GAN: variants seen among roughly 807,000 people sequenced by gnomAD.
GAN encodes epididymis secretory sperm binding protein.
A neutral mutation model predicts 71.3 loss-of-function variants in GAN; 48 were observed. The observed-to-expected ratio is 0.67, with a 90% CI of 0.53 to 0.86. GAN has a LOEUF of 0.86. GAN is among the 40% of genes least tolerant of loss of function. The probability of loss-of-function intolerance (pLI) is 0.00; values close to 1 mark genes in which losing one functional copy is unlikely to be tolerated. For missense variants in GAN, 928 were observed against 770.1 expected (o/e 1.21, Z -2.43); for synonymous variants, 386 against 276.8 (o/e 1.39, Z -3.92).
intron 6 of GAN, among the ~76,000 whole-genome samples, chr16:81,363,091 T>C (rs1910732708): frequency 6.6e-6 from 1 of 152,250 alleles, no homozygotes; most frequent in Admixed American, 6.5e-5. Flanking sequence ...TACATAAATA[T>C]TCATTGACAA....
At chr16:81,320,192 TAAG>T (rs1352541960) in intron 1 of GAN, among the ~76,000 whole-genome samples, 1 of 152,312 alleles carries the variant, frequency 6.6e-6, no homozygotes, top group African/African-American at 2.4e-5. Context: ...TGAAACTACT[TAAG>T]GAGACTAATA....
At chr16:81,375,019 A>G (rs757457467) in intron 9 of GAN, among the ~76,000 whole-genome samples, 1 of 152,190 alleles carries the variant, frequency 6.6e-6, no homozygotes, top group African/African-American at 2.4e-5. Flanking sequence ...TCCAGAAGAG[A>G]GCATAGGAGA....
intron 1 of GAN, among the ~76,000 whole-genome samples, chr16:81,319,709 AC>A (rs1240743341): frequency 6.7e-6 from 1 of 150,220 alleles, no homozygotes; most frequent in South Asian, 2.2e-4. Context: ...CTTCCCCCCG[AC>A]CCCCCCTTAT....
Position 81,389,272 on chromosome 16 carries a change from T to C in GAN, c.*11676T>C, listed in dbSNP as rs1186620159. On this transcript the variant is annotated 3_prime_UTR_variant, in exon 11 of 11. Transcript: ENST00000648994. ...TTCTTTTCGTTTTGAATTCAGCTTG[T>C]GTTTGGTTCCTCGGTCTTGTACCCC... 2 of 152,228 alleles carry C rather than the reference T, an allele frequency of 1.3e-5. No homozygotes were observed. Among genetic ancestry groups the C allele is most frequent in the Admixed American group, 1.3e-4 (2 of 15,290 alleles). The allele number at this position is 152,228 out of a possible 1,614,324, so 9.4% of individuals were successfully genotyped here.
chr16:81,330,869 T>C (rs539969523), intron 1 of GAN, among the ~76,000 whole-genome samples: 18 of 152,282 alleles, frequency 1.2e-4, no homozygotes, highest in African/African-American at 4.3e-4. Flanking sequence ...ATACGATATT[T>C]CCGTAGTGTA....
chr16:81,356,905 C>G lies in GAN; in HGVS notation c.754C>G (p.Pro252Ala). ...AATTGTCAAAGAGTGTAGCAATATA[C>G]CGCTCAGCCAGCCGCAGCAAGGGGA... Reference protein sequence around the residue: ...REIVKECSNIPLSQPQQGEAM... With the variant: ...REIVKECSNIALSQPQQGEAM... Residue 252 changes from proline to alanine, a missense_variant, in exon 4 of 11, where the codon CCG becomes GCG. By Grantham distance (27) the Pro-to-Ala change is conservative. Coordinates refer to ENST00000648994, the MANE Select transcript of GAN (RefSeq NM_022041.4). 1 of 1,613,742 alleles carries G rather than the reference C, an allele frequency of 6.2e-7. No individual in the cohort carries two copies. Among genetic ancestry groups the G allele is most frequent in the Non-Finnish European group, 8.5e-7 (1 of 1,179,702 alleles).
At chr16:81,352,550 A>T (rs1159587386) in intron 2 of GAN, among the ~76,000 whole-genome samples, 3 of 151,916 alleles carry the variant, frequency 2.0e-5, no homozygotes, top group African/African-American at 4.8e-5. Context: ...TCTCTCCTTT[A>T]TTCTTTCTTT....
At chr16:81,321,684 G>A (rs972172670) in intron 1 of GAN, among the ~76,000 whole-genome samples, 1 of 152,174 alleles carries the variant, frequency 6.6e-6, no homozygotes, top group Non-Finnish European at 1.5e-5. Flanking sequence ...GTCTGTGAGT[G>A]CCATGCAATA....
rs1491209902 is a variant in GAN at position 81,376,463 on chromosome 16, A to ATG, written c.1503-755_1503-754insGT. On this transcript the variant is annotated intron_variant, in intron 9 of 10. Transcript: ENST00000648994. ...GGCAATATCCCATCTTTATACATAC[A>ATG]TATGTGTGTGTGTGTGTGTGTGTGT... is the stretch of plus-strand genomic sequence containing the variant. Among the ~76,000 whole-genome samples the ATG allele has an allele frequency of 1.9e-3, 173 of 90,104 alleles. 1 individual carries two copies. Among genetic ancestry groups the ATG allele is most frequent in the Non-Finnish European group, 2.5e-3 (104 of 41,118 alleles). The allele number at this position is 90,104 out of a possible 152,430, so 59.1% of individuals were successfully genotyped here. A position where few individuals can be genotyped will look rare whatever the true frequency, so the allele number is the denominator to read the frequency against.
Position 81,384,142 on chromosome 16 carries a change from ACT to A in GAN, c.*6549_*6550del, listed in dbSNP as rs1244293508. ...GTTGTTCTTTGTGTTTATAGGAAAAACTCTGTTCTCAGCTACCTCATTATGTA... is the reference window on the plus strand; with the variant it reads ...GTTGTTCTTTGTGTTTATAGGAAAAACTGTTCTCAGCTACCTCATTATGTA... On this transcript the variant is annotated 3_prime_UTR_variant, in exon 11 of 11. Coordinates refer to ENST00000648994, the MANE Select transcript of GAN (RefSeq NM_022041.4). 6.6e-6 allele frequency: 1 copy of A among 151,460 alleles called. No individual in the cohort carries two copies. The highest frequency in any genetic ancestry group is 1.5e-5 in the Non-Finnish European group (1 of 67,890). 9.4% of individuals were successfully genotyped at this position (151,460 alleles called of 1,614,324 possible).
At chr16:81,351,347 C>G (rs1421241962) in intron 1 of GAN, among the ~76,000 whole-genome samples, 1 of 152,064 alleles carries the variant, frequency 6.6e-6, no homozygotes, top group African/African-American at 2.4e-5. Flanking sequence ...GATCTTAGTT[C>G]TTTGGTCATC....
At chr16:81,335,004 G>A (rs1909708189) in intron 1 of GAN, among the ~76,000 whole-genome samples, 1 of 152,110 alleles carries the variant, frequency 6.6e-6, no homozygotes, top group African/African-American at 2.4e-5. Flanking sequence ...TTATTAGATG[G>A]TGATAAATTC....
chr16:81,352,023 C>G (rs1351009846), intron 2 of GAN, among the ~76,000 whole-genome samples: 1 of 152,132 alleles, frequency 6.6e-6, no homozygotes, highest in East Asian at 1.9e-4. Flanking sequence ...TTTGGAATCC[C>G]GATTCCAGTC....
rs372022466 is a variant in GAN, at chr16:81,354,470, C to G, written c.348C>G (p.Asp116Glu). ...VQAADLLLLTDLKTLCCEFLE... is the reference protein window; with the variant it reads ...VQAADLLLLTELKTLCCEFLE... ...CAGCTGACCTGCTGCTACTGACGGA[C>G]CTTAAAACCCTGTGCTGTGAGTTTT... The change falls in exon 3 of 11, where the codon GAC becomes GAG. Residue 116 changes from aspartate to glutamate, a missense_variant. Transcript: ENST00000648994. 17 of 1,613,894 alleles carry G rather than the reference C, an allele frequency of 1.1e-5. No homozygotes were observed. In the African/African-American group the frequency reaches 2.1e-4, roughly 20 times the overall value.
chr16:81,345,515 A>C (rs1403968121), intron 1 of GAN, among the ~76,000 whole-genome samples: 1 of 152,102 alleles, frequency 6.6e-6, no homozygotes, highest in Non-Finnish European at 1.5e-5. Context: ...CAAACAATGC[A>C]TGTTCTCACT....
chr16:81,364,952 C>T (rs776066655), intron 7 of GAN, 22 bp from the exon 8 acceptor site: 7 of 1,613,228 alleles, frequency 4.3e-6, no homozygotes, highest in South Asian at 1.1e-5. Context: ...GCCTCTCCCC[C>T]ACCATTGTTC....
intron 1 of GAN, among the ~76,000 whole-genome samples, chr16:81,330,636 G>T (rs911561587): frequency 6.6e-6 from 1 of 152,216 alleles, no homozygotes; most frequent in African/African-American, 2.4e-5. Context: ...CATCATTGAA[G>T]TACCACAGTT....
intron 9 of GAN, among the ~76,000 whole-genome samples, chr16:81,376,369 C>T (rs1471614617): frequency 1.3e-5 from 2 of 151,892 alleles, no homozygotes; most frequent in African/African-American, 2.4e-5. Flanking sequence ...GCCTGTTATA[C>T]AGCATTTTAG....
intron 9 of GAN, among the ~76,000 whole-genome samples, chr16:81,372,589 G>A (rs62046503): frequency 8.5e-5 from 13 of 152,124 alleles, no homozygotes; most frequent in Admixed American, 4.6e-4. Context: ...TCACCTACGC[G>A]TATTTTTCTG....
Sources: allele counts gnomAD v4.1 joint callset (sites outside exome capture counted in the v4.1 genomes callset), GRCh38; gene constraint gnomAD v4.1.1; transcripts MANE v1.5; gene names NCBI Gene and HGNC (gene_info 2026-07-23, HGNC 2026-07-21).